Variants in SNX29 observed in about 807,000 individuals in gnomAD.
SNX29 encodes the protein sorting nexin-29.
Under a neutral mutation model 102.1 loss-of-function variants are expected in SNX29, and 78 were observed. That is an observed-to-expected ratio of 0.76 (90% CI 0.64 to 0.92). SNX29 has a LOEUF of 0.92. Ranked by LOEUF, SNX29 falls within the 40% of genes least tolerant of loss-of-function variation. The pLI is 0.00. For missense variants in SNX29, 1,280 were observed against 1,061.7 expected, an observed-to-expected ratio of 1.21 and a Z score of -2.86; for synonymous variants, 580 against 414.5, an observed-to-expected ratio of 1.40 and a Z score of -4.85.
chr16:12,511,657 CTAACATTTAGCAGTT>C (rs1386623609), intron 19 of SNX29, among the ~76,000 whole-genome samples: 1 of 152,148 alleles, frequency 6.6e-6, no homozygotes, highest in Non-Finnish European at 1.5e-5. Context: ...ATTTTCTGTT[CTAACATTTAGCAGTT>C]TAATGATACC....
At chr16:12,087,297 C>CT (rs1398982109) in intron 11 of SNX29, 1 of 158,958 alleles carries the variant, frequency 6.3e-6, no homozygotes, top group African/African-American at 2.4e-5. Context: ...ACTCAGGAGG[C>CT]TGAGGCAGGA....
At chr16:12,242,574 C>G (rs2078140153) in intron 14 of SNX29, among the ~76,000 whole-genome samples, 1 of 151,100 alleles carries the variant, frequency 6.6e-6, no homozygotes, top group Non-Finnish European at 1.5e-5. Context: ...CTCTTTTCTT[C>G]TTCTTTTCTT....
chr16:12,318,690 G>A (rs1266664814), intron 15 of SNX29, among the ~76,000 whole-genome samples: 1 of 150,920 alleles, frequency 6.6e-6, no homozygotes, highest in East Asian at 2.1e-4. Context: ...CAGATGAACT[G>A]GGAAGAGAAG....
intron 16 of SNX29, among the ~76,000 whole-genome samples, chr16:12,387,732 A>G (rs1222458929): frequency 6.6e-6 from 1 of 152,170 alleles, no homozygotes; most frequent in Non-Finnish European, 1.5e-5. Context: ...ACCTTAAGCC[A>G]TCTGACCTTA....
At chr16:12,431,144 G>A (rs979926554) in intron 18 of SNX29, among the ~76,000 whole-genome samples, 30 of 152,146 alleles carry the variant, frequency 2.0e-4, no homozygotes, top group Non-Finnish European at 7.3e-5. Context: ...GAGCCACTGC[G>A]CCTGGCCTGA....
intron 14 of SNX29, among the ~76,000 whole-genome samples, chr16:12,200,008 C>T (rs116078641): frequency 0.013 from 2,019 of 152,104 alleles, 46 homozygotes; most frequent in African/African-American, 0.046. Flanking sequence ...CAGCAGGCCA[C>T]GGGTGCAAGC....
intron 20 of SNX29, among the ~76,000 whole-genome samples, chr16:12,565,289 C>T (rs916257223): frequency 6.6e-6 from 1 of 152,008 alleles, no homozygotes. Flanking sequence ...ACGCCAGCAG[C>T]CACCAGCACT....
chr16:12,223,650 G>T (rs148945289), intron 14 of SNX29, among the ~76,000 whole-genome samples: 61 of 152,242 alleles, frequency 4.0e-4, no homozygotes, highest in African/African-American at 1.3e-3. Context: ...GGTGACAAGA[G>T]AAGAAAAAAA....
At chr16:12,091,866 CAAG>C (rs2052563279) in intron 11 of SNX29, among the ~76,000 whole-genome samples, 1 of 151,892 alleles carries the variant, frequency 6.6e-6, no homozygotes, top group Non-Finnish European at 1.5e-5. Context: ...ATCAGTGAAC[CAAG>C]AAGAGGACCC....
chr16:12,558,567 C>G (rs59062400), intron 20 of SNX29, among the ~76,000 whole-genome samples: 1 of 152,208 alleles, frequency 6.6e-6, no homozygotes, highest in Admixed American at 6.5e-5. Context: ...GTACCCCGTC[C>G]ATGGTGGATC....
At chr16:12,422,977 C>T (rs2084928229) in intron 18 of SNX29, among the ~76,000 whole-genome samples, 2 of 152,182 alleles carry the variant, frequency 1.3e-5, no homozygotes, top group Admixed American at 6.5e-5. Context: ...GGAACAGCCC[C>T]ACCCTGTCTA....
At chr16:12,495,483 T>C (rs9941316) in intron 19 of SNX29, among the ~76,000 whole-genome samples, 3,967 of 152,316 alleles carry the variant, frequency 0.026, 171 homozygotes, top group African/African-American at 0.089. Flanking sequence ...GAACTGTTTC[T>C]CAGCTACCCA....
intron 18 of SNX29, among the ~76,000 whole-genome samples, chr16:12,457,983 ATTG>A (rs1304462762): frequency 6.6e-5 from 10 of 152,162 alleles, no homozygotes; most frequent in African/African-American, 2.2e-4. Flanking sequence ...GAAATGTTCT[ATTG>A]TTCTGTTTGT....
intron 15 of SNX29, among the ~76,000 whole-genome samples, chr16:12,305,862 A>G (rs775715502): frequency 6.6e-6 from 1 of 152,218 alleles, no homozygotes; most frequent in South Asian, 2.1e-4. Flanking sequence ...TGGAGTACCG[A>G]CGAGCTGTAA....
intron 15 of SNX29, among the ~76,000 whole-genome samples, chr16:12,339,677 C>G (rs139278005): frequency 6.6e-6 from 1 of 152,208 alleles, no homozygotes. Flanking sequence ...AAGGCTTTCT[C>G]TATATGTGAT....
At chr16:12,554,525 C>T (rs371808263) in intron 20 of SNX29, among the ~76,000 whole-genome samples, 27 of 152,324 alleles carry the variant, frequency 1.8e-4, no homozygotes, top group African/African-American at 6.0e-4. Context: ...CTGCATTGAA[C>T]ATTCTCGCCC....
intron 15 of SNX29, among the ~76,000 whole-genome samples, chr16:12,343,793 A>G (rs2081689193): frequency 6.6e-6 from 1 of 152,218 alleles, no homozygotes; most frequent in South Asian, 2.1e-4. Flanking sequence ...CCGTTGCTCA[A>G]TAAATGTTTG....
intron 13 of SNX29, among the ~76,000 whole-genome samples, chr16:12,157,861 GC>G (rs1359349248): frequency 1.3e-5 from 2 of 152,170 alleles, no homozygotes; most frequent in Non-Finnish European, 2.9e-5. Flanking sequence ...GTCTCCGTCT[GC>G]CCGAGGGCTG....
chr16:12,305,596 AT>A (rs1428479026), intron 15 of SNX29, among the ~76,000 whole-genome samples: 3 of 152,080 alleles, frequency 2.0e-5, no homozygotes, highest in African/African-American at 2.4e-5. Context: ...CCATAGATTT[AT>A]TTTTTTGGCA....
Sources: gnomAD v4.1 joint callset for allele counts (sites outside exome capture counted in the v4.1 genomes callset) on GRCh38, gnomAD v4.1.1 for gene constraint, MANE v1.5 for transcripts, NCBI Gene and HGNC (gene_info 2026-07-23, HGNC 2026-07-21) for gene names.